MCF2L2: variants seen among roughly 807,000 people sequenced by gnomAD.
The protein encoded by MCF2L2 is probable guanine nucleotide exchange factor MCF2L2.
In MCF2L2, 102 loss-of-function variants were observed where a neutral mutation model predicts 150.2. That is an observed-to-expected ratio of 0.68 (90% CI 0.58 to 0.80). The LOEUF is 0.80. MCF2L2 is among the 30% of genes least tolerant of loss of function. MCF2L2 has a pLI of 0.00. For missense variants in MCF2L2, 1,256 were observed against 1,372.8 expected (o/e 0.91, Z 1.34); for synonymous variants, 465 against 491.3 (o/e 0.95, Z 0.71).
At chr3:183,278,245 TAAA>T (rs1334282492) in intron 14 of MCF2L2, among the ~76,000 whole-genome samples, 1 of 149,700 alleles carries the variant, frequency 6.7e-6, no homozygotes, top group East Asian at 1.9e-4. Flanking sequence ...CAAATAAAAA[TAAA>T]AGATATCTCA....
At chr3:183,311,560 G>T in intron 8 of MCF2L2, 88 bp downstream of exon 8, 5 of 1,450,150 alleles carry the variant, frequency 3.4e-6, no homozygotes, top group Non-Finnish European at 4.7e-6. Flanking sequence ...ACCCAATATT[G>T]GCTGTTCCAA....
chr3:183,199,787 C>T (rs1040503071), intron 25 of MCF2L2, among the ~76,000 whole-genome samples: 1 of 132,436 alleles, frequency 7.6e-6, no homozygotes, highest in Non-Finnish European at 1.6e-5. Context: ...TCCCCCCACC[C>T]CACCACAGGC....
At chr3:183,367,680 T>C (rs1321268388) in intron 3 of MCF2L2, among the ~76,000 whole-genome samples, 1 of 152,172 alleles carries the variant, frequency 6.6e-6, no homozygotes, top group Non-Finnish European at 1.5e-5. Context: ...AAACACGTGG[T>C]AGAAAATCAA....
At chr3:183,413,062 T>C (rs762010323) in intron 1 of MCF2L2, among the ~76,000 whole-genome samples, 14 of 152,220 alleles carry the variant, frequency 9.2e-5, no homozygotes, top group Non-Finnish European at 1.5e-4. Flanking sequence ...CTTACATTCC[T>C]AGGAAAAATC....
intron 15 of MCF2L2, among the ~76,000 whole-genome samples, chr3:183,268,808 G>A (rs1331771876): frequency 6.6e-6 from 1 of 152,156 alleles, no homozygotes; most frequent in East Asian, 1.9e-4. Flanking sequence ...TGTTCAAATT[G>A]CCTGACTACA....
intron 10 of MCF2L2, among the ~76,000 whole-genome samples, chr3:183,302,053 A>G (rs73066048): frequency 0.076 from 11,552 of 152,086 alleles, 1,091 homozygotes; most frequent in African/African-American, 0.22. Context: ...CCAGCCACCA[A>G]TAAAACCTCT....
intron 2 of MCF2L2, among the ~76,000 whole-genome samples, chr3:183,384,109 A>G (rs540710991): frequency 1.3e-5 from 2 of 152,360 alleles, no homozygotes; most frequent in East Asian, 3.9e-4. Context: ...AACTGGTAAA[A>G]GAGTAAGAAC....
chr3:183,270,990 A>G lies in MCF2L2; in HGVS notation c.1862+5882T>C. ...TCACTGAGTCAAACCTGGATGAAAA[A>G]AACCTTTAAATGTTCGTCTATACCC... On this transcript the variant is annotated intron_variant, in intron 15 of 29. Coordinates refer to ENST00000328913, the MANE Select transcript of MCF2L2 (RefSeq NM_015078.4). This position sits in a 1 kb window ranked among gnomAD's most constrained non-coding sequence, Gnocchi z 4.5. 6.8e-6 allele frequency: 10 copies of G among 1,473,446 alleles called. No individual in the cohort carries two copies. The highest frequency in any genetic ancestry group is 9.1e-6 in the Non-Finnish European group (10 of 1,098,692). The allele number at this position is 1,473,446 out of a possible 1,614,324, so 91.3% of individuals were successfully genotyped here.
chr3:183,297,270 C>A, intron 11 of MCF2L2, 103 bp from the exon 12 acceptor site: 1 of 990,140 alleles, frequency 1.0e-6, no homozygotes, highest in South Asian at 1.6e-5. Context: ...CAAGGATTCC[C>A]AGACAATGGG....
Position 183,359,090 on chromosome 3 carries a change from C to T in MCF2L2, c.276-17460G>A, listed in dbSNP as rs939669408. ...ATTGACAAGTTTGCCAAGGTCACTG[C>T]TGATGAAAATTTGATGCCAGAATAA... On this transcript the variant is annotated intron_variant, in intron 3 of 29. Transcript: ENST00000328913. Among the ~76,000 whole-genome samples, 37 of 151,492 alleles carry T rather than the reference C, an allele frequency of 2.4e-4. 1 individual carries two copies. Among genetic ancestry groups the T allele is most frequent in the African/African-American group, 9.0e-4 (37 of 41,188 alleles).
rs979819578 is a variant in MCF2L2 at position 183,428,214 on chromosome 3, A to G, written c.-237T>C. ...CTTTCCCAGCGTCGCAGCTGGACCG[A>G]GAGAGGAGCGGCCGTTCTGCAAAAG... On this transcript the variant is annotated 5_prime_UTR_variant, in exon 1 of 30. Coordinates refer to ENST00000328913, the MANE Select transcript of MCF2L2 (RefSeq NM_015078.4). This position sits in a 1 kb window ranked among gnomAD's most constrained non-coding sequence, Gnocchi z 5.1. 10 of 500,444 alleles carry G rather than the reference A, an allele frequency of 2.0e-5. No individual in the cohort carries two copies. The highest frequency in any genetic ancestry group is 1.7e-5 in the Non-Finnish European group (5 of 285,794). 31.0% of individuals were successfully genotyped at this position (500,444 alleles called of 1,614,324 possible).
At chr3:183,385,993 G>C (rs1713810048) in intron 2 of MCF2L2, among the ~76,000 whole-genome samples, 1 of 152,156 alleles carries the variant, frequency 6.6e-6, no homozygotes, top group Non-Finnish European at 1.5e-5. Context: ...AACATCAAGA[G>C]AATCATAAAG....
intron 1 of MCF2L2, among the ~76,000 whole-genome samples, chr3:183,401,144 T>C (rs568015023): frequency 7.6e-6 from 1 of 130,934 alleles, no homozygotes; most frequent in Admixed American, 7.3e-5. Flanking sequence ...TCACTACCAC[T>C]TGGGGAAAGT....
intron 4 of MCF2L2, among the ~76,000 whole-genome samples, chr3:183,340,666 G>C (rs947737782): frequency 6.6e-6 from 1 of 152,168 alleles, no homozygotes; most frequent in Admixed American, 6.5e-5. Context: ...AATTTGGCTA[G>C]GTGCAGTGGC....
At position 183,341,567 on chromosome 3, in the gene MCF2L2, G is replaced by T. The variant is rs199912030; in HGVS notation, c.339C>A (p.Ser113=). Reference sequence around the variant, plus strand: ...CTATTCGTGTCAAGGATGCCTTTACGGAGCTCCACTTGTCTCTTCGTCTGT... The same window carrying T: ...CTATTCGTGTCAAGGATGCCTTTACTGAGCTCCACTTGTCTCTTCGTCTGT... The part of the protein sequence containing the change: ...VIDRRRDKWS[S]VKASLTRIAV... The change falls in exon 4 of 30, where the codon TCC becomes TCA. Residue 113 remains serine, a synonymous_variant. Coordinates refer to ENST00000328913, the MANE Select transcript of MCF2L2 (RefSeq NM_015078.4). The T allele has an allele frequency of 1.2e-6, 2 of 1,613,754 alleles. No homozygotes were observed. Among genetic ancestry groups the T allele is most frequent in the Non-Finnish European group, 1.7e-6 (2 of 1,179,778 alleles).
intron 22 of MCF2L2, among the ~76,000 whole-genome samples, chr3:183,211,726 T>G (rs2108651934): frequency 6.6e-6 from 1 of 152,342 alleles, no homozygotes. Flanking sequence ...TCACCAGTAT[T>G]TATTTATTTA....
Position 183,219,927 on chromosome 3 carries a change from G to A in MCF2L2, c.2302-3C>T. Reference sequence around the variant, plus strand: ...GGAGACTCGAAATCCAGCAGACCCTGCATTAACCCAAAAGTCTTGTTGAAA... The same window carrying A: ...GGAGACTCGAAATCCAGCAGACCCTACATTAACCCAAAAGTCTTGTTGAAA... On this transcript the variant is annotated splice_polypyrimidine_tract_variant and splice_region_variant and intron_variant, in intron 20 of 29. Coordinates refer to ENST00000328913, the MANE Select transcript of MCF2L2 (RefSeq NM_015078.4). 6.2e-7 allele frequency: 1 copy of A among 1,608,774 alleles called. No homozygotes were observed. The highest frequency in any genetic ancestry group is 8.5e-7 in the Non-Finnish European group (1 of 1,176,322).
At chr3:183,300,646 T>TG (rs990895328) in intron 10 of MCF2L2, among the ~76,000 whole-genome samples, 9 of 150,760 alleles carry the variant, frequency 6.0e-5, no homozygotes, top group Admixed American at 2.0e-4. Context: ...TTGAGGAGAG[T>TG]GGGGGGTGAG....
At chr3:183,310,208 A>T (rs1359931918) in intron 9 of MCF2L2, among the ~76,000 whole-genome samples, 1 of 151,828 alleles carries the variant, frequency 6.6e-6, no homozygotes, top group African/African-American at 2.4e-5. Flanking sequence ...AAAAATATTT[A>T]AAAATTATCT....
Sources: gnomAD v4.1 joint callset for allele counts (sites outside exome capture counted in the v4.1 genomes callset) on GRCh38, gnomAD v4.1.1 for gene constraint, Gnocchi (gnomAD v3.1) non-coding constraint, MANE v1.5 for transcripts, NCBI Gene and HGNC (gene_info 2026-07-23, HGNC 2026-07-21) for gene names.